OR1J2: variants seen among roughly 807,000 people sequenced by gnomAD.
OR1J2 encodes the protein olfactory receptor 1J2.
For missense variants in OR1J2, 304 were observed against 246.1 expected (o/e 1.24, Z -1.57); for synonymous variants, 142 against 99.7 (o/e 1.42, Z -2.52).
chr9:122,490,865 A>G, the OR1J2 span, among the ~76,000 whole-genome samples: 1 of 152,206 alleles, frequency 6.6e-6, no homozygotes, highest in Non-Finnish European at 1.5e-5. Flanking sequence ...CAATCATACT[A>G]AACACAGTTG....
the OR1J2 span, among the ~76,000 whole-genome samples, chr9:122,497,089 G>A: frequency 6.6e-6 from 1 of 152,162 alleles, no homozygotes; most frequent in Non-Finnish European, 1.5e-5. Context: ...CAAGCAGCAG[G>A]TGACCAGGGC....
At chr9:122,558,521 C>G in the OR1J2 span, among the ~76,000 whole-genome samples, 2 of 151,440 alleles carry the variant, frequency 1.3e-5, no homozygotes, top group African/African-American at 4.8e-5. Context: ...TTCATACTTT[C>G]TGCAGTTAGA....
the OR1J2 span, among the ~76,000 whole-genome samples, chr9:122,487,009 A>G: frequency 6.6e-6 from 1 of 152,128 alleles, no homozygotes; most frequent in South Asian, 2.1e-4. Context: ...GCTTCCCAGA[A>G]AGTAAATTTC....
At chr9:122,544,408 C>CT in the OR1J2 span, among the ~76,000 whole-genome samples, 2 of 110,952 alleles carry the variant, frequency 1.8e-5, no homozygotes, top group African/African-American at 7.0e-5. Flanking sequence ...AAAATAGCCT[C>CT]TTTTTTCTTT....
At chr9:122,535,160 G>C in the OR1J2 span, among the ~76,000 whole-genome samples, 4 of 151,916 alleles carry the variant, frequency 2.6e-5, no homozygotes, top group African/African-American at 9.7e-5. Context: ...CTCCAGAAAA[G>C]CAGGAAAGGG....
At chr9:122,454,172 A>G in the OR1J2 span, among the ~76,000 whole-genome samples, 2 of 152,206 alleles carry the variant, frequency 1.3e-5, no homozygotes, top group Non-Finnish European at 2.9e-5. Flanking sequence ...TCAGCACCAC[A>G]TATGAGAGAA....
chr9:122,518,209 A>G, the OR1J2 span, among the ~76,000 whole-genome samples: 1 of 152,238 alleles, frequency 6.6e-6, no homozygotes, highest in Non-Finnish European at 1.5e-5. Context: ...GGAAGCTGGC[A>G]TATTTTTCTC....
the OR1J2 span, among the ~76,000 whole-genome samples, chr9:122,579,959 G>A: frequency 6.6e-6 from 1 of 152,134 alleles, no homozygotes. Flanking sequence ...TTAGGAAGGA[G>A]GAGAATCAGA....
chr9:122,509,374 G>A (rs911191266), upstream of OR1J2, among the ~76,000 whole-genome samples: 3 of 152,146 alleles, frequency 2.0e-5, no homozygotes, highest in African/African-American at 7.2e-5. Context: ...AGTTTGTTAT[G>A]GGATGAGTGT....
chr9:122,539,158 T>C, the OR1J2 span, among the ~76,000 whole-genome samples: 1 of 152,194 alleles, frequency 6.6e-6, no homozygotes, highest in African/African-American at 2.4e-5. Context: ...AGGGTACATG[T>C]GCACAATGTG....
At chr9:122,512,661 G>C (rs1828654028), downstream of OR1J2, among the ~76,000 whole-genome samples, 1 of 152,106 alleles carries the variant, frequency 6.6e-6, no homozygotes, top group Non-Finnish European at 1.5e-5. Context: ...TATCTCATTT[G>C]TATATAATAT....
At chr9:122,574,758 T>C in the OR1J2 span, among the ~76,000 whole-genome samples, 1 of 152,132 alleles carries the variant, frequency 6.6e-6, no homozygotes, top group Non-Finnish European at 1.5e-5. Flanking sequence ...AGCATTCTTA[T>C]CTTGTTCCTG....
chr9:122,523,403 G>C, the OR1J2 span, among the ~76,000 whole-genome samples: 2 of 152,052 alleles, frequency 1.3e-5, no homozygotes, highest in African/African-American at 4.8e-5. Flanking sequence ...GCTGGGGTGG[G>C]GTGGAATTGG....
chr9:122,577,613 C>CCAAT, the OR1J2 span, among the ~76,000 whole-genome samples: 3 of 152,118 alleles, frequency 2.0e-5, 1 homozygote, highest in South Asian at 4.2e-4. Context: ...CATTTTTTCA[C>CCAAT]CAATCATATT....
At chr9:122,510,640 G>T (rs1482209529), upstream of OR1J2, among the ~76,000 whole-genome samples, 2 of 151,942 alleles carry the variant, frequency 1.3e-5, no homozygotes, top group Non-Finnish European at 2.9e-5. Context: ...TTTTTCTGAT[G>T]CTCTTCCTCC....
the OR1J2 span, among the ~76,000 whole-genome samples, chr9:122,464,561 G>C: frequency 6.6e-6 from 1 of 152,170 alleles, no homozygotes; most frequent in Admixed American, 6.5e-5. Context: ...CACTCTGTCC[G>C]ACCTAGTGGG....
the OR1J2 span, among the ~76,000 whole-genome samples, chr9:122,460,929 A>G: frequency 2.9e-3 from 444 of 152,238 alleles, 1 homozygote; most frequent in African/African-American, 0.01. Context: ...CTCTTGGTGT[A>G]TAACAGGGCT....
upstream of OR1J2, among the ~76,000 whole-genome samples, chr9:122,509,341 C>T (rs1828589268): frequency 6.6e-6 from 1 of 152,120 alleles, no homozygotes. Context: ...CTTCTTTTGC[C>T]ATCTTTTGAT....
At chr9:122,476,002 T>C in the OR1J2 span, among the ~76,000 whole-genome samples, 3 of 152,244 alleles carry the variant, frequency 2.0e-5, no homozygotes, top group Non-Finnish European at 4.4e-5. Context: ...TGGGGTATTC[T>C]TCCCCTTTTA....
Sources: gnomAD v4.1 joint callset for allele counts (sites outside exome capture counted in the v4.1 genomes callset) on GRCh38, gnomAD v4.1.1 for gene constraint, MANE v1.5 for transcripts, NCBI Gene and HGNC (gene_info 2026-07-23, HGNC 2026-07-21) for gene names.